Variants in UACA observed in about 807,000 individuals in gnomAD.
UACA encodes the protein uveal autoantigen with coiled-coil domains and ankyrin repeats.
A neutral mutation model predicts 160.5 loss-of-function variants in UACA; 112 were observed. The observed-to-expected ratio is 0.70, with a 90% CI of 0.60 to 0.82. The LOEUF is 0.82. UACA is among the 40% of genes least tolerant of loss of function. The pLI is 0.00. For missense variants in UACA, 1,574 were observed against 1,614.6 expected (o/e 0.97, Z 0.43); for synonymous variants, 557 against 568.4 (o/e 0.98, Z 0.29).
At chr15:70,728,212 A>G (rs1462880715) in intron 1 of UACA, among the ~76,000 whole-genome samples, 1 of 152,230 alleles carries the variant, frequency 6.6e-6, no homozygotes, top group Non-Finnish European at 1.5e-5. Flanking sequence ...CTTTCACCAT[A>G]TACAAAAATG....
At chr15:70,658,354 G>A (rs1324155076) in intron 18 of UACA, among the ~76,000 whole-genome samples, 1 of 152,108 alleles carries the variant, frequency 6.6e-6, no homozygotes, top group Non-Finnish European at 1.5e-5. Context: ...AGAAATTGCT[G>A]GGTCAAAAAG....
chr15:70,658,126 C>A (rs770094347), intron 18 of UACA, among the ~76,000 whole-genome samples: 3 of 152,082 alleles, frequency 2.0e-5, no homozygotes, highest in Non-Finnish European at 4.4e-5. Flanking sequence ...ATTTAAAAAA[C>A]CCATATTTAT....
chr15:70,689,045 A>G (rs1360233833), intron 5 of UACA, among the ~76,000 whole-genome samples: 1 of 152,184 alleles, frequency 6.6e-6, no homozygotes, highest in African/African-American at 2.4e-5. Context: ...TCAGTAGAAT[A>G]TGAATGGAGA....
At position 70,706,470 on chromosome 15, in the gene UACA, G is replaced by C. The variant is rs926709424; in HGVS notation, c.79-6810C>G. Among the ~76,000 whole-genome samples the C allele has an allele frequency of 2.0e-5, 3 of 148,324 alleles. No homozygotes were observed. The East Asian group carries it at 6.0e-4, about 30-fold the overall frequency. On this transcript the variant is annotated intron_variant, in intron 1 of 18. Coordinates refer to ENST00000322954, the MANE Select transcript of UACA (RefSeq NM_018003.4). The stretch of plus-strand genomic sequence containing the variant: ...AAATAAAAGACATCCAAATCAGAAA[G>C]GAAGAAGTTGAAATCATCTCTGTTC...
At chr15:70,739,345 C>T (rs1899460336) in intron 1 of UACA, among the ~76,000 whole-genome samples, 2 of 152,060 alleles carry the variant, frequency 1.3e-5, no homozygotes, top group Admixed American at 1.3e-4. Context: ...ATGGCACCTC[C>T]CCACTAGATA....
At chr15:70,685,953 T>C (rs1365389932) in intron 7 of UACA, among the ~76,000 whole-genome samples, 1 of 152,104 alleles carries the variant, frequency 6.6e-6, no homozygotes. Context: ...TTTTGTATTT[T>C]TGGTAGAGAT....
intron 1 of UACA, among the ~76,000 whole-genome samples, chr15:70,728,020 A>G (rs1363610895): frequency 6.6e-6 from 1 of 152,206 alleles, no homozygotes; most frequent in Non-Finnish European, 1.5e-5. Context: ...CTGGTACAAA[A>G]ACAGACACAC....
At chr15:70,705,228 A>T (rs902485232) in intron 1 of UACA, among the ~76,000 whole-genome samples, 3 of 152,176 alleles carry the variant, frequency 2.0e-5, no homozygotes, top group Non-Finnish European at 2.9e-5. Flanking sequence ...AACACTCTTT[A>T]AAAAATTAAC....
At chr15:70,745,869 C>G (rs1256073420) in intron 1 of UACA, among the ~76,000 whole-genome samples, 1 of 152,146 alleles carries the variant, frequency 6.6e-6, no homozygotes, top group Non-Finnish European at 1.5e-5. Flanking sequence ...GGAAAGGATT[C>G]CCTACTTAAT....
chr15:70,729,345 T>C (rs1566993429), intron 1 of UACA, among the ~76,000 whole-genome samples: 1 of 152,162 alleles, frequency 6.6e-6, no homozygotes, highest in Admixed American at 6.5e-5. Context: ...CATGGAATAC[T>C]ACTTAGCCAT....
the UACA span, among the ~76,000 whole-genome samples, chr15:70,775,706 A>G: frequency 6.6e-6 from 1 of 152,206 alleles, no homozygotes; most frequent in African/African-American, 2.4e-5. Flanking sequence ...AACTGGATAT[A>G]GAGATTGTCA....
chr15:70,751,051 T>G (rs1011623788), intron 1 of UACA, among the ~76,000 whole-genome samples: 3 of 152,156 alleles, frequency 2.0e-5, no homozygotes, highest in African/African-American at 7.2e-5. Flanking sequence ...ATCTCAATTT[T>G]TAAAAGACAG....
At chr15:70,740,581 G>A (rs542217662) in intron 1 of UACA, among the ~76,000 whole-genome samples, 1 of 146,636 alleles carries the variant, frequency 6.8e-6, no homozygotes, top group South Asian at 2.2e-4. Context: ...AGGCTACAGT[G>A]AGCCATGTTT....
At chr15:70,659,554 C>G (rs945280725) in intron 18 of UACA, among the ~76,000 whole-genome samples, 1 of 151,342 alleles carries the variant, frequency 6.6e-6, no homozygotes, top group Non-Finnish European at 1.5e-5. Context: ...TTTGAAGATG[C>G]TGCTCACGGG....
At position 70,679,633 on chromosome 15, in the gene UACA, T is replaced by C. The variant is rs1202800502; in HGVS notation, c.866A>G (p.His289Arg). Residue 289 changes from histidine (H) to arginine (R), a missense_variant, in exon 10 of 19, where the codon CAT (histidine) becomes CGT (arginine). Physicochemically the swap from His to Arg is conservative, Grantham distance 29. Coordinates refer to ENST00000322954, the MANE Select transcript of UACA (RefSeq NM_018003.4). ...HMQDEVNVKS[H>R]QREHQNIQDL... ...CTGAATATTTTGATGCTCCCTCTGATGTGACTTCACATTTACTTCATCTTG... is the reference window on the plus strand; with the variant it reads ...CTGAATATTTTGATGCTCCCTCTGACGTGACTTCACATTTACTTCATCTTG... 5.7e-6 allele frequency: 9 copies of C among 1,590,392 alleles called. No individual in the cohort carries two copies. Among genetic ancestry groups the C allele is most frequent in the South Asian group, 1.1e-5 (1 of 88,064 alleles).
At chr15:70,771,464 T>G in the UACA span, among the ~76,000 whole-genome samples, 2 of 152,140 alleles carry the variant, frequency 1.3e-5, no homozygotes, top group Non-Finnish European at 2.9e-5. Flanking sequence ...AGCAGTGGAA[T>G]AGATAATCCC....
intron 1 of UACA, among the ~76,000 whole-genome samples, chr15:70,759,244 G>A (rs976394273): frequency 2.0e-4 from 31 of 152,160 alleles, no homozygotes; most frequent in Non-Finnish European, 1.5e-5. Context: ...AATGGAACAA[G>A]CATATTCTCA....
chr15:70,669,189 A>T lies in UACA; in HGVS notation c.1495T>A (p.Leu499Ile). 6.2e-7 allele frequency: 1 copy of T among 1,613,894 alleles called. No homozygotes were observed. The highest frequency in any genetic ancestry group is 8.5e-7 in the Non-Finnish European group (1 of 1,179,970). The change falls in exon 16 of 19, where the codon TTA (leucine) becomes ATA (isoleucine). Residue 499 changes from leucine (L) to isoleucine (I), a missense_variant. Physicochemically the swap from Leu to Ile is conservative, Grantham distance 5. Transcript: ENST00000322954. The part of the protein sequence containing the change: ...DEQIKQLEDA[L>I]KDVQKRMYES... Reference sequence around the variant, plus strand: ...TACATCCTCTTCTGCACATCTTTTAATGCATCTTCTAATTGCTTTATCTGT... The same window carrying T: ...TACATCCTCTTCTGCACATCTTTTATTGCATCTTCTAATTGCTTTATCTGT...
intron 7 of UACA, 50 bp downstream of exon 7, chr15:70,687,490 C>T: frequency 1.3e-6 from 2 of 1,573,992 alleles, no homozygotes; most frequent in Admixed American, 3.3e-5. Flanking sequence ...CTTGGCCTTT[C>T]CATCCCTGTG....
Sources: gnomAD v4.1 joint callset for allele counts (sites outside exome capture counted in the v4.1 genomes callset) on GRCh38, gnomAD v4.1.1 for gene constraint, MANE v1.5 for transcripts, NCBI Gene and HGNC (gene_info 2026-07-23, HGNC 2026-07-21) for gene names.